Variants in CNTNAP2 observed in about 807,000 individuals in gnomAD.
CNTNAP2 encodes the protein contactin associated protein 2, also known as contactin-associated protein-like 2.
Under a neutral mutation model 155.2 loss-of-function variants are expected in CNTNAP2, and 98 were observed. The ratio of observed to expected loss-of-function variants is 0.63; its 90% CI spans 0.54 to 0.75. The LOEUF (loss-of-function observed/expected upper bound fraction) is 0.75, where lower values mean the gene tolerates loss of function less well. Ranked by LOEUF, CNTNAP2 falls within the 30% of genes least tolerant of loss-of-function variation. The probability of loss-of-function intolerance (pLI) is 0.00; values close to 1 mark genes in which losing one functional copy is unlikely to be tolerated. For synonymous variants in CNTNAP2, 651 were observed against 631.2 expected, an observed-to-expected ratio of 1.03 and a Z score of -0.47; for missense variants, 1,727 against 1,688.1, an observed-to-expected ratio of 1.02 and a Z score of -0.40.
intron 1 of CNTNAP2, among the ~76,000 whole-genome samples, chr7:146,395,730 G>A (rs1213246604): frequency 6.6e-6 from 1 of 150,624 alleles, no homozygotes; most frequent in Non-Finnish European, 1.5e-5. Context: ...GGAATTCCAC[G>A]TAGGAGCAGA....
chr7:146,125,871 C>T (rs767773268), intron 1 of CNTNAP2, among the ~76,000 whole-genome samples: 6 of 152,114 alleles, frequency 3.9e-5, no homozygotes, highest in Non-Finnish European at 5.9e-5. Flanking sequence ...ACATTTTCAG[C>T]ATCAATCAAT....
chr7:147,898,805 A>G (rs1799813722), intron 13 of CNTNAP2, among the ~76,000 whole-genome samples: 1 of 152,208 alleles, frequency 6.6e-6, no homozygotes, highest in South Asian at 2.1e-4. Flanking sequence ...GGTGTGAGCC[A>G]CCACGTCCAG....
At chr7:148,130,379 G>A (rs1804804499) in intron 16 of CNTNAP2, among the ~76,000 whole-genome samples, 1 of 152,172 alleles carries the variant, frequency 6.6e-6, no homozygotes, top group Admixed American at 6.5e-5. Flanking sequence ...CATACCAAAT[G>A]TCTCTACCTC....
At chr7:147,571,825 T>C (rs112200192) in intron 12 of CNTNAP2, among the ~76,000 whole-genome samples, 2 of 152,178 alleles carry the variant, frequency 1.3e-5, no homozygotes, top group Non-Finnish European at 2.9e-5. Context: ...TCATTTTTAT[T>C]TCTTTCTCAT....
chr7:147,636,311 G>T (rs1203934837), intron 12 of CNTNAP2, among the ~76,000 whole-genome samples: 1 of 152,194 alleles, frequency 6.6e-6, no homozygotes, highest in East Asian at 1.9e-4. Context: ...GAGCCTAGAA[G>T]ATGAAGTCAC....
intron 3 of CNTNAP2, among the ~76,000 whole-genome samples, chr7:147,002,618 C>T (rs1381341598): frequency 6.6e-6 from 1 of 151,974 alleles, no homozygotes; most frequent in African/African-American, 2.4e-5. Flanking sequence ...ATACCATAAA[C>T]TATCAATAAC....
chr7:147,145,423 T>C (rs924147), intron 8 of CNTNAP2, among the ~76,000 whole-genome samples: 91,548 of 151,806 alleles, frequency 0.6, 27,814 homozygotes, highest in Middle Eastern at 0.72. Flanking sequence ...GGACAATACC[T>C]ACCCACCTGC....
chr7:147,987,031 C>T (rs1226539980), intron 15 of CNTNAP2, among the ~76,000 whole-genome samples: 1 of 152,006 alleles, frequency 6.6e-6, no homozygotes, highest in Non-Finnish European at 1.5e-5. Flanking sequence ...GCCTTCACTG[C>T]TATTGCCATG....
At chr7:148,318,973 G>A (rs985605127) in intron 21 of CNTNAP2, among the ~76,000 whole-genome samples, 9 of 152,176 alleles carry the variant, frequency 5.9e-5, no homozygotes, top group African/African-American at 2.2e-4. Context: ...ATTGGGAAAG[G>A]AATTACAACC....
At chr7:146,717,640 T>C (rs1303478247) in intron 1 of CNTNAP2, among the ~76,000 whole-genome samples, 3 of 151,932 alleles carry the variant, frequency 2.0e-5, no homozygotes, top group Non-Finnish European at 4.4e-5. Context: ...AGAAAACTAC[T>C]AACACAAATA....
chr7:147,605,352 A>G (rs1307980687), intron 12 of CNTNAP2, among the ~76,000 whole-genome samples: 1 of 152,116 alleles, frequency 6.6e-6, no homozygotes, highest in Non-Finnish European at 1.5e-5. Flanking sequence ...AAAATATGGG[A>G]CTGGAAAATG....
chr7:147,453,384 A>G (rs1289431840), intron 10 of CNTNAP2, among the ~76,000 whole-genome samples: 2 of 152,152 alleles, frequency 1.3e-5, no homozygotes, highest in Admixed American at 6.5e-5. Context: ...TTTTCTCATT[A>G]TTGTGTACCT....
chr7:147,050,877 C>T lies in CNTNAP2; in HGVS notation c.550+6823C>T, dbSNP rs865956542. Among the ~76,000 whole-genome samples the T allele has an allele frequency of 1.3e-5, 2 of 152,116 alleles. 1 individual carries two copies. The highest frequency in any genetic ancestry group is 2.9e-5 in the Non-Finnish European group (2 of 68,038). On this transcript the variant is annotated intron_variant, in intron 4 of 23. Coordinates refer to ENST00000361727, the MANE Select transcript of CNTNAP2 (RefSeq NM_014141.6). ...GAGAAACAGTTCCATGTCCCTCGCC[C>T]ATCTCCTGGTGGTGGCCAGAAGTCC...
chr7:148,187,147 C>CACACACACACACACACAA lies in CNTNAP2; in HGVS notation c.3010+14670_3010+14671insCACACACACACACACAAA, dbSNP rs1197880658. 6.0e-5 allele frequency among the ~76,000 whole-genome samples: 4 copies of CACACACACACACACACAA among 67,098 alleles called. 1 individual carries two copies. Among genetic ancestry groups the CACACACACACACACACAA allele is most frequent in the African/African-American group, 1.2e-4 (4 of 32,140 alleles). 44.0% of individuals were successfully genotyped at this position (67,098 alleles called of 152,430 possible). On this transcript the variant is annotated intron_variant, in intron 18 of 23. Coordinates refer to ENST00000361727, the MANE Select transcript of CNTNAP2 (RefSeq NM_014141.6). ...ACACACACACACACACACACACACACAAACAGAGCCAGGTGTGAGCTGGAC... is the reference window on the plus strand; with the variant it reads ...ACACACACACACACACACACACACACACACACACACACACACAAAAACAGAGCCAGGTGTGAGCTGGAC...
At chr7:147,339,371 T>C (rs1196118972) in intron 9 of CNTNAP2, among the ~76,000 whole-genome samples, 1 of 152,098 alleles carries the variant, frequency 6.6e-6, no homozygotes, top group Non-Finnish European at 1.5e-5. Flanking sequence ...TAGGTCATTA[T>C]AAAGAATATG....
chr7:147,971,192 G>C (rs1331533174), intron 14 of CNTNAP2, among the ~76,000 whole-genome samples: 1 of 152,168 alleles, frequency 6.6e-6, no homozygotes. Context: ...TCATTACCCT[G>C]CTACTTCTAG....
intron 13 of CNTNAP2, among the ~76,000 whole-genome samples, chr7:147,879,228 T>A (rs1799477231): frequency 6.6e-6 from 1 of 152,164 alleles, no homozygotes; most frequent in Admixed American, 6.5e-5. Flanking sequence ...GGGATTGTGA[T>A]TCCATGTGAA....
At chr7:146,232,204 G>T (rs1482549696) in intron 1 of CNTNAP2, among the ~76,000 whole-genome samples, 1 of 150,680 alleles carries the variant, frequency 6.6e-6, no homozygotes, top group African/African-American at 2.5e-5. Context: ...AAATAAGCTT[G>T]TTATGTATAT....
intron 1 of CNTNAP2, among the ~76,000 whole-genome samples, chr7:146,438,051 A>G (rs1017548128): frequency 5.9e-5 from 9 of 151,512 alleles, no homozygotes; most frequent in African/African-American, 2.2e-4. Flanking sequence ...CAATATACAC[A>G]TCTTTATTGT....
Sources: allele counts gnomAD v4.1 joint callset (sites outside exome capture counted in the v4.1 genomes callset), GRCh38; gene constraint gnomAD v4.1.1; transcripts MANE v1.5; gene names NCBI Gene and HGNC (gene_info 2026-07-23, HGNC 2026-07-21).